IFT74: variants seen among roughly 807,000 people sequenced by gnomAD.
The protein encoded by IFT74 is intraflagellar transport protein 74 homolog.
Under a neutral mutation model 96.7 loss-of-function variants are expected in IFT74, and 92 were observed. The ratio of observed to expected loss-of-function variants is 0.95; its 90% CI spans 0.80 to 1.13. The LOEUF is 1.13. IFT74 is among the 50% of genes most tolerant of loss of function. The pLI, the probability that IFT74 is intolerant of heterozygous loss-of-function variation, is 0.00. For synonymous variants in IFT74, 223 were observed against 213.2 expected, an observed-to-expected ratio of 1.05 and a Z score of -0.40; for missense variants, 811 against 698.2, an observed-to-expected ratio of 1.16 and a Z score of -1.82.
At chr9:26,967,030 T>C (rs1231351246) in intron 2 of IFT74, among the ~76,000 whole-genome samples, 4 of 151,984 alleles carry the variant, frequency 2.6e-5, no homozygotes, top group African/African-American at 9.6e-5. Context: ...CAGTATGCTT[T>C]TCTTTTTCTT....
chr9:26,997,330 CTTTTTTT>C (rs773530183), intron 8 of IFT74, among the ~76,000 whole-genome samples: 2 of 123,604 alleles, frequency 1.6e-5, no homozygotes, highest in Non-Finnish European at 3.4e-5. Flanking sequence ...GTTTCCTTTC[CTTTTTTT>C]TTTTTTTTTT....
Position 27,018,639 on chromosome 9 carries a change from CT to C in IFT74, c.934-5del. 1 of 1,474,510 alleles carries C rather than the reference CT, an allele frequency of 6.8e-7. No individual in the cohort carries two copies. Among genetic ancestry groups the C allele is most frequent in the South Asian group, 1.3e-5 (1 of 77,836 alleles). The allele number at this position is 1,474,510 out of a possible 1,614,324, so 91.3% of individuals were successfully genotyped here. ...TTTAAATACTACTTTCTTTTTATGCCTTTGTAGATTAAAGATGATAATCAGG... is the reference window on the plus strand; with the variant it reads ...TTTAAATACTACTTTCTTTTTATGCCTTGTAGATTAAAGATGATAATCAGG... On this transcript the variant is annotated splice_polypyrimidine_tract_variant and splice_region_variant and intron_variant, in intron 11 of 19. Coordinates refer to ENST00000380062, the MANE Select transcript of IFT74 (RefSeq NM_025103.4).
chr9:26,998,026 T>A (rs762036837), intron 8 of IFT74: 14 of 1,613,884 alleles, frequency 8.7e-6, no homozygotes, highest in Non-Finnish European at 1.2e-5. Flanking sequence ...TTAAAATTTC[T>A]AGACTGGAGA....
intron 3 of IFT74, among the ~76,000 whole-genome samples, chr9:26,979,945 C>T (rs1827298172): frequency 6.6e-6 from 1 of 152,038 alleles, no homozygotes; most frequent in African/African-American, 2.4e-5. Flanking sequence ...GAACTTCTGA[C>T]CTCAAGGGAT....
chr9:27,059,694 C>T (rs906802860), intron 18 of IFT74, among the ~76,000 whole-genome samples: 1 of 152,290 alleles, frequency 6.6e-6, no homozygotes, highest in South Asian at 2.1e-4. Flanking sequence ...AGCTATGATT[C>T]ATTCTAATAT....
intron 7 of IFT74, among the ~76,000 whole-genome samples, chr9:26,989,219 T>A (rs1827767794): frequency 1.3e-5 from 2 of 152,034 alleles, no homozygotes; most frequent in Non-Finnish European, 2.9e-5. Context: ...AAAAGGGGGA[T>A]GGTAGGAGGG....
At chr9:26,972,681 A>G (rs1021168116) in intron 2 of IFT74, among the ~76,000 whole-genome samples, 6 of 152,168 alleles carry the variant, frequency 3.9e-5, no homozygotes, top group Admixed American at 6.5e-5. Flanking sequence ...ATACACAGCA[A>G]TATCCAATTA....
intron 8 of IFT74, among the ~76,000 whole-genome samples, chr9:26,999,417 C>G (rs1828353387): frequency 6.6e-6 from 1 of 152,064 alleles, no homozygotes; most frequent in Non-Finnish European, 1.5e-5. Context: ...TCCCTTTAAT[C>G]AACTTTTAAA....
Position 27,018,661 on chromosome 9 carries a change from T to C in IFT74, c.948T>C (p.Asn316=). 3 of 1,524,040 alleles carry C rather than the reference T, an allele frequency of 2.0e-6. No homozygotes were observed. Among genetic ancestry groups the C allele is most frequent in the Non-Finnish European group, 2.7e-6 (3 of 1,112,554 alleles). 94.4% of individuals were successfully genotyped at this position (1,524,040 alleles called of 1,614,324 possible). A position where few individuals can be genotyped will look rare whatever the true frequency, so the allele number is the denominator to read the frequency against. ...TGCCTTTGTAGATTAAAGATGATAA[T>C]CAGGAAATAGCCAGCATGGAAAGAC... The part of the protein sequence containing the change: ...EKLLKQIKDD[N]QEIASMERQL... Residue 316 remains asparagine, a synonymous_variant, in exon 12 of 20, where the codon AAT becomes AAC. Coordinates refer to ENST00000380062, the MANE Select transcript of IFT74 (RefSeq NM_025103.4).
At chr9:27,002,547 A>G (rs1410213765) in intron 8 of IFT74, among the ~76,000 whole-genome samples, 3 of 152,240 alleles carry the variant, frequency 2.0e-5, no homozygotes, top group African/African-American at 7.2e-5. Context: ...TGAAACAACT[A>G]TTATTTCTCC....
Position 26,962,061 on chromosome 9 carries a change from T to C in IFT74, c.94T>C (p.Ser32Pro), listed in dbSNP as rs201259858. The C allele has an allele frequency of 6.2e-6, 10 of 1,614,156 alleles. 1 individual carries two copies. The Middle Eastern group carries it at 4.9e-4, about 80-fold the overall frequency. The change falls in exon 2 of 20, where the codon TCA becomes CCA. Residue 32 changes from serine (S) to proline (P), a missense_variant. Ser to Pro is a moderately conservative substitution (Grantham distance 74). Transcript: ENST00000380062. ...GCCTCCTTCTGGGATACGACCCCTA[T>C]CAGGAAATATTCGAGTGGCAACTGC... ...GRPPSGIRPLSGNIRVATAMP... is the reference protein window; with the variant it reads ...GRPPSGIRPLPGNIRVATAMP...
upstream of IFT74, chr9:26,955,640 A>G (rs555036320): frequency 6.6e-6 from 1 of 152,294 alleles, no homozygotes; most frequent in Admixed American, 6.5e-5. Context: ...CAGCCACATA[A>G]CATTATCTCA....
chr9:26,961,219 T>C (rs1826342531), intron 1 of IFT74, among the ~76,000 whole-genome samples: 1 of 151,428 alleles, frequency 6.6e-6, no homozygotes, highest in Non-Finnish European at 1.5e-5. Flanking sequence ...GCCTCCTGAG[T>C]AGCTGGTACT....
chr9:27,001,647 G>A lies in IFT74; in HGVS notation c.588-7373G>A, dbSNP rs530258513. ...TTCAGTTCTTTTGCCATGTTTACTTGGATTATTTGTTTTTTATCGGTTTGT... is the reference window on the plus strand; with the variant it reads ...TTCAGTTCTTTTGCCATGTTTACTTAGATTATTTGTTTTTTATCGGTTTGT... On this transcript the variant is annotated intron_variant, in intron 8 of 19. Coordinates refer to ENST00000380062, the MANE Select transcript of IFT74 (RefSeq NM_025103.4). Among the ~76,000 whole-genome samples, 5 of 152,136 alleles carry A rather than the reference G, an allele frequency of 3.3e-5. 1 individual carries two copies. The South Asian group carries it at 1.0e-3, about 32-fold the overall frequency.
chr9:27,030,788 T>C (rs965424256), intron 13 of IFT74, among the ~76,000 whole-genome samples: 5 of 152,190 alleles, frequency 3.3e-5, no homozygotes, highest in Non-Finnish European at 7.3e-5. Flanking sequence ...AACAATTGCA[T>C]ATTTGCTTAA....
intron 3 of IFT74, among the ~76,000 whole-genome samples, chr9:26,978,541 A>G (rs1376884927): frequency 6.6e-6 from 1 of 152,208 alleles, no homozygotes. Flanking sequence ...TTAGAAAGCT[A>G]TATACAGATA....
rs549417905 is a variant in IFT74, at chr9:27,010,208, C to G, written c.726+1050C>G. On this transcript the variant is annotated intron_variant, in intron 9 of 19. Transcript: ENST00000380062. ...GTTTCACCGTGTTAGTCAGGATGGT[C>G]TTGATCGCCTGACCTCGTGATCCGC... 5.3e-5 allele frequency among the ~76,000 whole-genome samples: 8 copies of G among 151,842 alleles called. No individual in the cohort carries two copies. The East Asian group carries it at 1.6e-3, about 30-fold the overall frequency.
intron 6 of IFT74, among the ~76,000 whole-genome samples, chr9:26,987,945 G>T (rs558886057): frequency 6.8e-4 from 103 of 151,624 alleles, no homozygotes; most frequent in African/African-American, 1.9e-3. Context: ...TTTGTTTTTT[G>T]TTGTTGTTGT....
chr9:26,971,032 A>G (rs1280827430), intron 2 of IFT74, among the ~76,000 whole-genome samples: 1 of 152,208 alleles, frequency 6.6e-6, no homozygotes, highest in Non-Finnish European at 1.5e-5. Context: ...GTGCCATGAA[A>G]TGGGTTTCAT....
Sources: allele counts gnomAD v4.1 joint callset (sites outside exome capture counted in the v4.1 genomes callset), GRCh38; gene constraint gnomAD v4.1.1; transcripts MANE v1.5; gene names NCBI Gene and HGNC (gene_info 2026-07-23, HGNC 2026-07-21).